Variants in PIGG observed in about 807,000 individuals in gnomAD.
The protein encoded by PIGG is GPI ethanolamine phosphate transferase 2, catalytic subunit.
In PIGG, 70 loss-of-function variants were observed where a neutral mutation model predicts 83.2. That is an observed-to-expected ratio of 0.84 (90% CI 0.69 to 1.03). The LOEUF (loss-of-function observed/expected upper bound fraction) is 1.03. PIGG is among the 50% of genes least tolerant of loss of function. PIGG has a pLI of 0.00. For synonymous variants in PIGG, 532 were observed against 519.5 expected (o/e 1.02, Z -0.33); for missense variants, 1,257 against 1,233.6 (o/e 1.02, Z -0.28).
At chr4:531,755 AC>A (rs995467693) in intron 11 of PIGG, 49 of 152,136 alleles carry the variant, frequency 3.2e-4, no homozygotes, top group African/African-American at 1.1e-3. Flanking sequence ...TGCTTCCCCG[AC>A]CCTTCTGATC....
intron 1 of PIGG, chr4:499,837 C>A (rs1716927680): frequency 3.2e-6 from 2 of 633,576 alleles, no homozygotes; most frequent in Non-Finnish European, 4.3e-6. Flanking sequence ...GCCCTTTTTG[C>A]CCCCTAGCAC....
Position 539,693 on chromosome 4 carries a change from C to T in PIGG, c.*324C>T, listed in dbSNP as rs1318643153. ...TCCAGGAGCTCTGTGGGAGGAGGCACCCAGATTACCTTAGGGAGCACAGAG... is the reference window on the plus strand; with the variant it reads ...TCCAGGAGCTCTGTGGGAGGAGGCATCCAGATTACCTTAGGGAGCACAGAG... On this transcript the variant is annotated 3_prime_UTR_variant, in exon 13 of 13. Transcript: ENST00000453061. The T allele has an allele frequency of 4.4e-6, 1 of 228,884 alleles. No homozygotes were observed. Among genetic ancestry groups the T allele is most frequent in the Non-Finnish European group, 8.6e-6 (1 of 116,556 alleles). 14.2% of individuals were successfully genotyped at this position (228,884 alleles called of 1,614,324 possible). A position where few individuals can be genotyped will look rare whatever the true frequency, so the allele number is the denominator to read the frequency against.
rs11934549 is a variant in PIGG at position 530,949 on chromosome 4, T to G, written c.2571+204T>G. The G allele has an allele frequency of 0.16, 91,222 of 556,684 alleles. 9,145 individuals are homozygous for G. The highest frequency in any genetic ancestry group is 0.36 in the African/African-American group (19,068 of 52,974). The allele number at this position is 556,684 out of a possible 1,614,324, so 34.5% of individuals were successfully genotyped here. A position where few individuals can be genotyped will look rare whatever the true frequency, so the allele number is the denominator to read the frequency against. On this transcript the variant is annotated intron_variant, in intron 11 of 12. Transcript: ENST00000453061. Reference sequence around the variant, plus strand: ...TCCCAGGTGTGGATGTGTGGGTGCTTAAGACAGCAGACTGCTGCTTTGCTG... The same window carrying G: ...TCCCAGGTGTGGATGTGTGGGTGCTGAAGACAGCAGACTGCTGCTTTGCTG...
At position 521,938 on chromosome 4, in the gene PIGG, G is replaced by GA. The variant is rs1361762186; in HGVS notation, c.1613dup (p.Asn539GlufsTer64). 6.2e-7 allele frequency: 1 copy of GA among 1,614,036 alleles called. No homozygotes were observed. The highest frequency in any genetic ancestry group is 8.5e-7 in the Non-Finnish European group (1 of 1,180,022). On this transcript the variant is annotated frameshift_variant, in exon 8 of 13. Coordinates refer to ENST00000453061, the MANE Select transcript of PIGG (RefSeq NM_001127178.3). LOFTEE classifies it high-confidence loss of function. ...TGCTCGTGGGTGGAAACACCCCAAG[G>GA]AAGGTACGTACGGCTGGTTCCTGGG...
At chr4:500,269 T>G in intron 1 of PIGG, 127 bp from the exon 2 acceptor site, 2 of 684,250 alleles carry the variant, frequency 2.9e-6, no homozygotes, top group African/African-American at 1.8e-5. Flanking sequence ...TCGCCTCCTT[T>G]TGGGTTGGGT....
chr4:538,327 G>T (rs1434703640), intron 12 of PIGG, among the ~76,000 whole-genome samples: 1 of 152,130 alleles, frequency 6.6e-6, no homozygotes, highest in Non-Finnish European at 1.5e-5. Flanking sequence ...AAACTAGGGG[G>T]TACATTAACA....
chr4:509,571 T>C (rs1553882072), intron 5 of PIGG, among the ~76,000 whole-genome samples: 1 of 152,252 alleles, frequency 6.6e-6, no homozygotes, highest in Non-Finnish European at 1.5e-5. Context: ...CTTGGTGAGC[T>C]CAGCGGTAAT....
intron 6 of PIGG, among the ~76,000 whole-genome samples, chr4:520,756 G>C (rs1725584291): frequency 6.6e-6 from 1 of 152,230 alleles, no homozygotes; most frequent in South Asian, 2.1e-4. Flanking sequence ...GAGCGATGAG[G>C]GAGGCAGAGA....
chr4:527,692 G>A (rs1393035963), intron 10 of PIGG: 2 of 985,292 alleles, frequency 2.0e-6, no homozygotes, highest in African/African-American at 1.7e-5. Flanking sequence ...GACCGTCCTT[G>A]TAATTTATAA....
chr4:507,239 CTATT>C (rs1553880000), intron 3 of PIGG, among the ~76,000 whole-genome samples, 162 bp from the exon 4 acceptor site: 1 of 152,164 alleles, frequency 6.6e-6, no homozygotes, highest in African/African-American at 2.4e-5. Flanking sequence ...TGTGTCCAGC[CTATT>C]TATTTATTTT....
In PIGG at chr4:527,201, G is replaced by A. The variant is rs376232301; in HGVS notation, c.2232G>A (p.Pro744=). 335 of 1,603,620 alleles carry A rather than the reference G, an allele frequency of 2.1e-4. No individual in the cohort carries two copies. Among genetic ancestry groups the A allele is most frequent in the Non-Finnish European group, 2.7e-4 (319 of 1,174,828 alleles). Residue 744 remains proline, a synonymous_variant, in exon 10 of 13, where the codon CCG becomes CCA. Coordinates refer to ENST00000453061, the MANE Select transcript of PIGG (RefSeq NM_001127178.3). ...YRAAIGSVRF[P]WRPDSKDISK... is the part of the protein sequence containing the mutation. Reference sequence around the variant, plus strand: ...CGGCCATCGGGAGTGTCCGGTTCCCGTGGCGGCCGGACAGCAAGGACATTT... The same window carrying A: ...CGGCCATCGGGAGTGTCCGGTTCCCATGGCGGCCGGACAGCAAGGACATTT...
intron 5 of PIGG, among the ~76,000 whole-genome samples, chr4:512,792 C>A (rs979683707): frequency 6.6e-6 from 1 of 151,896 alleles, no homozygotes; most frequent in Non-Finnish European, 1.5e-5. Context: ...TCCAGCTTGG[C>A]GACGGAGTGA....
At chr4:501,205 C>T (rs1717591772) in intron 2 of PIGG, 1 of 453,658 alleles carries the variant, frequency 2.2e-6, no homozygotes, top group Non-Finnish European at 4.4e-6. Flanking sequence ...AACTTTTGAG[C>T]AACGACTATG....
rs1304998912 is a variant in PIGG, at chr4:530,571, T to C, written c.2397T>C (p.Ser799=). Residue 799 remains serine (S), a synonymous_variant, in exon 11 of 13, where the codon AGT becomes AGC. Transcript: ENST00000453061. ...CTGTAGGTTTATGGGAGATATATAG[T>C]GGATTAGTTCTTCTGGCAGCCTTGC... ...LKTVGLWEIY[S]GLVLLAALLF... The C allele has an allele frequency of 6.2e-7, 1 of 1,613,828 alleles. No individual in the cohort carries two copies. Among genetic ancestry groups the C allele is most frequent in the South Asian group, 1.1e-5 (1 of 91,080 alleles).
Position 533,948 on chromosome 4 carries a change from A to G in PIGG, c.2702A>G (p.His901Arg), listed in dbSNP as rs1729725215. Residue 901 changes from histidine to arginine, a missense_variant, in exon 12 of 13, where the codon CAC becomes CGC. Transcript: ENST00000453061. Reference sequence around the variant, plus strand: ...GCAGGGCCTGTGCTGTGGGCCAGCCACTTAGTGCACTTCCTGAGCTCAGAA... The same window carrying G: ...GCAGGGCCTGTGCTGTGGGCCAGCCGCTTAGTGCACTTCCTGAGCTCAGAA... ...TYAGPVLWASHLVHFLSSETR... is the reference protein window; with the variant it reads ...TYAGPVLWASRLVHFLSSETR... The G allele has an allele frequency of 1.9e-6, 3 of 1,614,058 alleles. No individual in the cohort carries two copies. The highest frequency in any genetic ancestry group is 2.5e-6 in the Non-Finnish European group (3 of 1,180,030).
intron 2 of PIGG, among the ~76,000 whole-genome samples, chr4:504,454 T>C (rs781815115): frequency 5.9e-5 from 9 of 152,236 alleles, no homozygotes; most frequent in Admixed American, 2.0e-4. Flanking sequence ...TGTTTTTTCT[T>C]AAATAAGCAC....
intron 9 of PIGG, among the ~76,000 whole-genome samples, chr4:526,514 G>A (rs779066961): frequency 1.3e-5 from 2 of 151,920 alleles, no homozygotes; most frequent in Admixed American, 6.5e-5. Context: ...AGGCCATGTG[G>A]GTCTAGGGAC....
At position 539,525 on chromosome 4, in the gene PIGG, A is replaced by G. The variant is rs1404361546; in HGVS notation, c.*156A>G. The G allele has an allele frequency of 1.7e-5, 10 of 603,322 alleles. No individual in the cohort carries two copies. The highest frequency in any genetic ancestry group is 2.9e-5 in the Non-Finnish European group (10 of 341,028). 37.4% of individuals were successfully genotyped at this position (603,322 alleles called of 1,614,324 possible). A position where few individuals can be genotyped will look rare whatever the true frequency, so the allele number is the denominator to read the frequency against. ...AATAGTTTAATAAAAGATCACTTTA[A>G]TATACAGTTTGTATCATATTTTCCC... On this transcript the variant is annotated 3_prime_UTR_variant, in exon 13 of 13. Transcript: ENST00000453061.
chr4:507,438 G>T lies in PIGG; in HGVS notation c.604G>T (p.Val202Leu). 6.2e-7 allele frequency: 1 copy of T among 1,613,790 alleles called. No homozygotes were observed. Among genetic ancestry groups the T allele is most frequent in the African/African-American group, 1.3e-5 (1 of 75,044 alleles). The change falls in exon 4 of 13, where the codon GTA (valine) becomes TTA (leucine). Residue 202 changes from valine to leucine, a missense_variant. Physicochemically the swap from Val to Leu is conservative, Grantham distance 32. Transcript: ENST00000453061. The stretch of plus-strand genomic sequence containing the variant: ...TAATGTCACGAGGCATTTGGATAAA[G>T]TATTAAAAAGAGGAGATTGGGACAT... ...DNNVTRHLDKVLKRGDWDILI... is the reference protein window; with the variant it reads ...DNNVTRHLDKLLKRGDWDILI...
Sources: allele counts gnomAD v4.1 joint callset (sites outside exome capture counted in the v4.1 genomes callset), GRCh38; gene constraint gnomAD v4.1.1; transcripts MANE v1.5; gene names NCBI Gene and HGNC (gene_info 2026-07-23, HGNC 2026-07-21).